Variants in MICAL3 observed in about 807,000 individuals in gnomAD.
MICAL3 encodes [F-actin]-monooxygenase MICAL3.
A neutral mutation model predicts 207.4 loss-of-function variants in MICAL3; 62 were observed. The ratio of observed to expected loss-of-function variants is 0.30; its 90% CI spans 0.24 to 0.37. The LOEUF (loss-of-function observed/expected upper bound fraction) is 0.37. MICAL3 is among the 10% of genes least tolerant of loss of function. MICAL3 has a pLI of 1.00. For synonymous variants in MICAL3, 1,077 were observed against 1,069.3 expected, an observed-to-expected ratio of 1.01 and a Z score of -0.14; for missense variants, 2,368 against 2,635.6, an observed-to-expected ratio of 0.90 and a Z score of 2.22.
chr22:17,822,397 C>T (rs560672388), intron 23 of MICAL3, among the ~76,000 whole-genome samples: 2 of 152,366 alleles, frequency 1.3e-5, no homozygotes, highest in East Asian at 1.9e-4. Context: ...GCATCAAAGC[C>T]TGTGGGGCTC....
At chr22:17,805,267 G>C (rs1225173613) in intron 29 of MICAL3, among the ~76,000 whole-genome samples, 1 of 152,254 alleles carries the variant, frequency 6.6e-6, no homozygotes, top group Non-Finnish European at 1.5e-5. Flanking sequence ...GAAGAGGAAC[G>C]GGACGCAGAA....
At chr22:17,875,444 T>C (rs1341268487) in intron 16 of MICAL3, 12 of 1,548,828 alleles carry the variant, frequency 7.7e-6, no homozygotes, top group Non-Finnish European at 1.0e-5. Context: ...TAGGCCATGC[T>C]ACCTGTCGGA....
intron 23 of MICAL3, 99 bp from the exon 24 acceptor site, chr22:17,822,269 G>C: frequency 7.0e-7 from 1 of 1,422,078 alleles, no homozygotes; most frequent in Non-Finnish European, 9.4e-7. Flanking sequence ...TTGCAACACA[G>C]CTGCTCAGGT....
intron 29 of MICAL3, among the ~76,000 whole-genome samples, chr22:17,801,196 A>G (rs1601927408): frequency 1.1e-5 from 1 of 92,754 alleles, no homozygotes. Flanking sequence ...TCTGTCGCCC[A>G]GGCTGGAGTG....
intron 1 of MICAL3, among the ~76,000 whole-genome samples, chr22:17,971,990 A>G (rs754977497): frequency 6.6e-6 from 1 of 152,246 alleles, no homozygotes; most frequent in Non-Finnish European, 1.5e-5. Context: ...GCCACTCCAC[A>G]CAAGGCCAGG....
At chr22:17,866,780 G>C (rs767080436) in intron 17 of MICAL3, among the ~76,000 whole-genome samples, 1 of 152,162 alleles carries the variant, frequency 6.6e-6, no homozygotes, top group African/African-American at 2.4e-5. Flanking sequence ...GCATCCCCGT[G>C]GGGGGTGTCG....
chr22:17,884,129 C>G, intron 16 of MICAL3: 1 of 545,950 alleles, frequency 1.8e-6, no homozygotes, highest in Non-Finnish European at 3.2e-6. Context: ...CAATGTTTTC[C>G]CAGAGCTACT....
chr22:17,934,310 A>T (rs989615058), intron 1 of MICAL3, among the ~76,000 whole-genome samples: 7 of 152,230 alleles, frequency 4.6e-5, no homozygotes, highest in Admixed American at 2.0e-4. Context: ...AACATATGCA[A>T]ATCAATAAAC....
At chr22:17,908,674 C>T (rs935218800) in intron 1 of MICAL3, among the ~76,000 whole-genome samples, 1 of 152,212 alleles carries the variant, frequency 6.6e-6, no homozygotes, top group African/African-American at 2.4e-5. Flanking sequence ...TCCTGGTGCT[C>T]TCATCACAAT....
chr22:17,961,337 G>A (rs535025724), intron 1 of MICAL3, among the ~76,000 whole-genome samples: 46 of 152,282 alleles, frequency 3.0e-4, no homozygotes, highest in Non-Finnish European at 5.0e-4. Context: ...TCTCCTTCCC[G>A]CTGGGTCCTA....
chr22:17,922,657 G>C (rs529129157), intron 1 of MICAL3, among the ~76,000 whole-genome samples: 7 of 152,230 alleles, frequency 4.6e-5, no homozygotes, highest in African/African-American at 1.7e-4. Context: ...GGCTCGGGAC[G>C]AAAGAAAACC....
intron 21 of MICAL3, among the ~76,000 whole-genome samples, chr22:17,830,110 G>A (rs578185763): frequency 5.9e-5 from 9 of 152,168 alleles, no homozygotes; most frequent in South Asian, 2.1e-4. Context: ...GGTACCTGGC[G>A]CCACTGGCCT....
Position 17,872,451 on chromosome 22 carries a change from G to A in MICAL3, c.2242-428C>T, listed in dbSNP as rs1177088213. 2.0e-5 allele frequency among the ~76,000 whole-genome samples: 3 copies of A among 152,206 alleles called. No individual in the cohort carries two copies. The East Asian group carries it at 5.8e-4, about 29-fold the overall frequency. On this transcript the variant is annotated intron_variant, in intron 16 of 31. Coordinates refer to ENST00000441493, the MANE Select transcript of MICAL3 (RefSeq NM_015241.3). ...AAAACACACACATGGAAGAAGGCAG[G>A]AAGGGGCCCGAGGGTCCCCAGCTCA...
At position 17,876,751 on chromosome 22, in the gene MICAL3, A is replaced by C. The variant is rs1277994502; in HGVS notation, c.2242-4728T>G. The C allele has an allele frequency of 2.7e-5, 4 of 147,702 alleles. No individual in the cohort carries two copies. The East Asian group carries it at 7.9e-4, about 29-fold the overall frequency. The allele number at this position is 147,702 out of a possible 1,614,324, so 9.1% of individuals were successfully genotyped here. On this transcript the variant is annotated intron_variant, in intron 16 of 31. Coordinates refer to ENST00000441493, the MANE Select transcript of MICAL3 (RefSeq NM_015241.3). ...GTTAGGGAGCTTATGGAGGTTAGGGAGGTTAAGGAGGTTAGGGAAGTTATG... is the reference window on the plus strand; with the variant it reads ...GTTAGGGAGCTTATGGAGGTTAGGGCGGTTAAGGAGGTTAGGGAAGTTATG...
At chr22:17,887,910 C>T (rs9604799) in intron 13 of MICAL3, among the ~76,000 whole-genome samples, 9,098 of 152,092 alleles carry the variant, frequency 0.06, 358 homozygotes, top group African/African-American at 0.12. Context: ...ATGGGTACGT[C>T]GATGTTAGAG....
chr22:18,008,493 T>C (rs866900345), intron 1 of MICAL3, among the ~76,000 whole-genome samples: 12 of 152,240 alleles, frequency 7.9e-5, no homozygotes, highest in Non-Finnish European at 1.0e-4. Flanking sequence ...TTAGAACAAA[T>C]TGATTCCTGG....
At chr22:17,865,104 T>C (rs1334094513) in intron 18 of MICAL3, 118 bp from the exon 19 acceptor site, 3 of 685,734 alleles carry the variant, frequency 4.4e-6, no homozygotes, top group Middle Eastern at 5.4e-4. Flanking sequence ...TTTATTTATT[T>C]ATTTATTTAT....
intron 1 of MICAL3, among the ~76,000 whole-genome samples, chr22:17,948,505 G>A (rs953658992): frequency 6.6e-6 from 1 of 152,154 alleles, no homozygotes; most frequent in Non-Finnish European, 1.5e-5. Flanking sequence ...TTTGACACCA[G>A]GCATCCACAA....
At chr22:17,999,222 G>A (rs1922655997) in intron 1 of MICAL3, among the ~76,000 whole-genome samples, 1 of 152,216 alleles carries the variant, frequency 6.6e-6, no homozygotes, top group Non-Finnish European at 1.5e-5. Context: ...TTGACCCTCT[G>A]CTCTTCTGTA....
Sources: gnomAD v4.1 joint callset for allele counts (sites outside exome capture counted in the v4.1 genomes callset) on GRCh38, gnomAD v4.1.1 for gene constraint, MANE v1.5 for transcripts, NCBI Gene and HGNC (gene_info 2026-07-23, HGNC 2026-07-21) for gene names.